Variants in CCND2 observed in about 807,000 individuals in gnomAD.
CCND2 encodes G1/S-specific cyclin-D2.
Under a neutral mutation model 30.2 loss-of-function variants are expected in CCND2, and 6 were observed. The observed-to-expected ratio is 0.20, with a 90% CI of 0.11 to 0.39. CCND2 has a LOEUF of 0.39. Ranked by LOEUF, CCND2 falls within the 10% of genes least tolerant of loss-of-function variation. The pLI is 1.00. For missense variants in CCND2, 235 were observed against 373.4 expected (o/e 0.63, Z 3.06); for synonymous variants, 150 against 153.1 (o/e 0.98, Z 0.15).
At chr12:4,283,847 C>T (rs541760611) in intron 3 of CCND2, among the ~76,000 whole-genome samples, 3 of 152,346 alleles carry the variant, frequency 2.0e-5, no homozygotes, top group African/African-American at 4.8e-5. Flanking sequence ...CTCTTCCATT[C>T]GCTGAGTGTT....
chr12:4,279,017 G>A, intron 3 of CCND2, 98 bp downstream of exon 3: 2 of 1,212,266 alleles, frequency 1.6e-6, no homozygotes, highest in Non-Finnish European at 2.3e-6. Flanking sequence ...TTTTAGTTCA[G>A]GAGTTTGGAG....
chr12:4,286,084 A>G (rs1203983493), intron 3 of CCND2, among the ~76,000 whole-genome samples: 1 of 152,212 alleles, frequency 6.6e-6, no homozygotes, highest in Non-Finnish European at 1.5e-5. Flanking sequence ...GCCATGTAGG[A>G]AGAAACACAT....
rs901206458 is a variant in CCND2 at position 4,282,340 on chromosome 12, C to T, written c.571+3421C>T. Among the ~76,000 whole-genome samples the T allele has an allele frequency of 6.6e-6, 1 of 152,186 alleles. No homozygotes were observed. Among genetic ancestry groups the T allele is most frequent in the African/African-American group, 2.4e-5 (1 of 41,448 alleles). The stretch of plus-strand genomic sequence containing the variant: ...ATTTGTGCCACACACGGTAGCCACC[C>T]CCAGGCCTCCCCACGCCAAGGCCAG... On this transcript the variant is annotated intron_variant, in intron 3 of 4. Coordinates refer to ENST00000261254, the MANE Select transcript of CCND2 (RefSeq NM_001759.4). This position sits in a 1 kb window ranked among gnomAD's most constrained non-coding sequence, Gnocchi z 4.3.
chr12:4,278,269 A>T (rs1591644639), intron 2 of CCND2, among the ~76,000 whole-genome samples: 1 of 152,232 alleles, frequency 6.6e-6, no homozygotes, highest in South Asian at 2.1e-4. Flanking sequence ...GTTGCCAAGG[A>T]GTTGGGCCAA....
intron 4 of CCND2, among the ~76,000 whole-genome samples, chr12:4,296,568 T>C (rs929805305): frequency 6.6e-6 from 1 of 152,260 alleles, no homozygotes; most frequent in Non-Finnish European, 1.5e-5. Flanking sequence ...CCATCTCTTT[T>C]AGATAACAAA....
At position 4,303,106 on chromosome 12, in the gene CCND2, G is replaced by A. The variant is rs970859819; in HGVS notation, c.*3097G>A. On this transcript the variant is annotated 3_prime_UTR_variant, in exon 5 of 5. Coordinates refer to ENST00000261254, the MANE Select transcript of CCND2 (RefSeq NM_001759.4). The surrounding 1 kb of genome is among the most constrained non-coding windows in gnomAD (Gnocchi z 4.6). ...ACAGAAGCAGCAAATGAAAGAACCG[G>A]ACAAATAAGGAAGGGCACAAGCCTA... 4.7e-5 allele frequency: 11 copies of A among 233,096 alleles called. No homozygotes were observed. In the Admixed American group the frequency reaches 5.1e-4, roughly 11 times the overall value. The allele number at this position is 233,096 out of a possible 1,614,324, so 14.4% of individuals were successfully genotyped here.
chr12:4,288,096 T>G (rs1864047741), intron 3 of CCND2, among the ~76,000 whole-genome samples: 2 of 152,224 alleles, frequency 1.3e-5, no homozygotes, highest in African/African-American at 4.8e-5. Flanking sequence ...GTTAGAGCCC[T>G]ATGTTAGGGT....
rs751104155 is a variant in CCND2 at position 4,278,907 on chromosome 12, C to T, written c.559C>T (p.Leu187=). ...CAAGCATGCTCAGACCTTCATTGCTCTGTGTGCCACCGGTAAGATGAGGCT... is the reference window on the plus strand; with the variant it reads ...CAAGCATGCTCAGACCTTCATTGCTTTGTGTGCCACCGGTAAGATGAGGCT... The part of the protein sequence containing the change: ...IRKHAQTFIA[L]CATDFKFAMY... Residue 187 remains leucine, a synonymous_variant, in exon 3 of 5, where the codon CTG becomes TTG. Coordinates refer to ENST00000261254, the MANE Select transcript of CCND2 (RefSeq NM_001759.4). 3.7e-6 allele frequency: 6 copies of T among 1,612,648 alleles called. No homozygotes were observed. Among genetic ancestry groups the T allele is most frequent in the Non-Finnish European group, 4.2e-6 (5 of 1,179,146 alleles).
chr12:4,295,774 CAAAA>C (rs777128231), intron 4 of CCND2, among the ~76,000 whole-genome samples: 1 of 152,124 alleles, frequency 6.6e-6, no homozygotes, highest in Non-Finnish European at 1.5e-5. Flanking sequence ...GACTCCGTCT[CAAAA>C]AACAAAACAA....
chr12:4,292,736 C>T (rs1040550773), intron 4 of CCND2, among the ~76,000 whole-genome samples: 57 of 152,144 alleles, frequency 3.7e-4, no homozygotes, highest in Admixed American at 2.1e-3. Context: ...TTGCTAAAAA[C>T]AGCCAGAGAG....
In CCND2 at chr12:4,300,646, G is replaced by T. The variant is rs1481657362; in HGVS notation, c.*637G>T. The T allele has an allele frequency of 4.3e-6, 1 of 233,634 alleles. No individual in the cohort carries two copies. Among genetic ancestry groups the T allele is most frequent in the Admixed American group, 5.6e-5 (1 of 17,778 alleles). 14.5% of individuals were successfully genotyped at this position (233,634 alleles called of 1,614,324 possible). A position where few individuals can be genotyped will look rare whatever the true frequency, so the allele number is the denominator to read the frequency against. On this transcript the variant is annotated 3_prime_UTR_variant, in exon 5 of 5. Transcript: ENST00000261254. ...CTACAGTAGCTGCTACCTAAAAAAA[G>T]ATGTTTTATTTTGCCAGTTGGACAC...
chr12:4,288,503 C>A (rs1047269166), intron 3 of CCND2, among the ~76,000 whole-genome samples: 1 of 152,082 alleles, frequency 6.6e-6, no homozygotes. Context: ...TCACCTTGCT[C>A]CCCCCACCAG....
chr12:4,295,859 T>C (rs1864161688), intron 4 of CCND2, among the ~76,000 whole-genome samples: 1 of 152,156 alleles, frequency 6.6e-6, no homozygotes, highest in African/African-American at 2.4e-5. Flanking sequence ...GAGTATGCAG[T>C]TTTGTCTATC....
intron 3 of CCND2, among the ~76,000 whole-genome samples, chr12:4,283,287 C>T (rs765164548): frequency 1.3e-5 from 2 of 152,154 alleles, no homozygotes; most frequent in African/African-American, 2.4e-5. Flanking sequence ...TTGCTGGTGC[C>T]GGGGCTGCGG....
At chr12:4,294,989 C>A (rs924567249) in intron 4 of CCND2, among the ~76,000 whole-genome samples, 2 of 152,188 alleles carry the variant, frequency 1.3e-5, no homozygotes, top group Non-Finnish European at 2.9e-5. Context: ...TTGGGCAAGA[C>A]CCGGGCGATG....
rs1863959700 is a variant in CCND2 at position 4,282,304 on chromosome 12, TG to T, written c.571+3386del. ...TCACTAGAAGCCCACCCTAAGATGC[TG>T]CACCTTGGTATTTGTGCCACACACG... On this transcript the variant is annotated intron_variant, in intron 3 of 4. Transcript: ENST00000261254. The surrounding 1 kb of genome is among the most constrained non-coding windows in gnomAD (Gnocchi z 4.3). Among the ~76,000 whole-genome samples, 1 of 152,138 alleles carries T rather than the reference TG, an allele frequency of 6.6e-6. No individual in the cohort carries two copies. The highest frequency in any genetic ancestry group is 2.1e-4 in the South Asian group (1 of 4,828).
intron 3 of CCND2, among the ~76,000 whole-genome samples, chr12:4,288,016 C>G (rs1312034007): frequency 1.3e-5 from 2 of 152,186 alleles, no homozygotes; most frequent in Admixed American, 1.3e-4. Flanking sequence ...GGCCTTCAGT[C>G]TCATGAGTCA....
chr12:4,303,575 A>T lies in CCND2; in HGVS notation c.*3566A>T, dbSNP rs1403253014. 9 of 233,162 alleles carry T rather than the reference A, an allele frequency of 3.9e-5. No homozygotes were observed. Among genetic ancestry groups the T allele is most frequent in the Non-Finnish European group, 7.6e-5 (9 of 118,022 alleles). The allele number at this position is 233,162 out of a possible 1,614,324, so 14.4% of individuals were successfully genotyped here. A position where few individuals can be genotyped will look rare whatever the true frequency, so the allele number is the denominator to read the frequency against. ...TGTTCCCCCAGCCTGCCAAATTTTG[A>T]TCCTTCCCCTCTTTTGGCCAAATCC... On this transcript the variant is annotated 3_prime_UTR_variant, in exon 5 of 5. Transcript: ENST00000261254. This position sits in a 1 kb window ranked among gnomAD's most constrained non-coding sequence, Gnocchi z 4.6.
intron 4 of CCND2, among the ~76,000 whole-genome samples, chr12:4,296,879 G>A (rs912391416): frequency 6.6e-6 from 1 of 152,184 alleles, no homozygotes; most frequent in Non-Finnish European, 1.5e-5. Context: ...TAGGTCCAAC[G>A]TTTCACTCAG....
Sources: allele counts gnomAD v4.1 joint callset (sites outside exome capture counted in the v4.1 genomes callset), GRCh38; gene constraint gnomAD v4.1.1; non-coding constraint Gnocchi (gnomAD v3.1); transcripts MANE v1.5; gene names NCBI Gene and HGNC (gene_info 2026-07-23, HGNC 2026-07-21).